The following PRKG2 variants were observed in gnomAD, a reference collection of about 807,000 sequenced individuals.
PRKG2 encodes the protein protein kinase cGMP-dependent 2.
In PRKG2, 33 loss-of-function variants were observed where a neutral mutation model predicts 97.2. The observed-to-expected ratio is 0.34, with a 90% confidence interval of 0.26 to 0.45. PRKG2 has a LOEUF of 0.45. Ranked by LOEUF, PRKG2 falls within the 20% of genes least tolerant of loss-of-function variation. The pLI is 1.00. For synonymous variants in PRKG2, 330 were observed against 321.8 expected, an observed-to-expected ratio of 1.03 and a Z score of -0.27; for missense variants, 638 against 900.0, an observed-to-expected ratio of 0.71 and a Z score of 3.73.
intron 2 of PRKG2, among the ~76,000 whole-genome samples, chr4:81,192,481 A>T (rs1431643178): frequency 6.6e-6 from 1 of 152,192 alleles, no homozygotes; most frequent in Non-Finnish European, 1.5e-5. Flanking sequence ...TTAGGTTGAA[A>T]TATCAGGTCT....
chr4:81,147,293 T>C (rs1004869956), intron 9 of PRKG2, among the ~76,000 whole-genome samples: 4 of 152,184 alleles, frequency 2.6e-5, no homozygotes, highest in Non-Finnish European at 5.9e-5. Flanking sequence ...CATCCATTTA[T>C]AATATTTTAC....
intron 6 of PRKG2, among the ~76,000 whole-genome samples, chr4:81,159,575 G>A (rs1388029266): frequency 3.9e-5 from 6 of 152,114 alleles, no homozygotes; most frequent in Non-Finnish European, 8.8e-5. Context: ...TCTAGAACTA[G>A]AAATACCATT....
chr4:81,107,659 C>T (rs896786521), intron 15 of PRKG2, among the ~76,000 whole-genome samples: 1 of 151,958 alleles, frequency 6.6e-6, no homozygotes, highest in Non-Finnish European at 1.5e-5. Context: ...ACTACAGGTG[C>T]ACGCCACCAT....
At chr4:81,101,613 G>A (rs1229702995) in intron 17 of PRKG2, among the ~76,000 whole-genome samples, 3 of 151,676 alleles carry the variant, frequency 2.0e-5, no homozygotes, top group Non-Finnish European at 4.4e-5. Flanking sequence ...TATACCTAAT[G>A]TTAAATGACG....
intron 2 of PRKG2, among the ~76,000 whole-genome samples, chr4:81,200,562 A>G (rs1158534546): frequency 6.6e-6 from 1 of 152,186 alleles, no homozygotes; most frequent in Non-Finnish European, 1.5e-5. Flanking sequence ...ATTTGTGGGT[A>G]GTTCTTACAA....
At chr4:81,112,811 AT>A (rs1744117314) in intron 14 of PRKG2, among the ~76,000 whole-genome samples, 1 of 152,212 alleles carries the variant, frequency 6.6e-6, no homozygotes, top group African/African-American at 2.4e-5. Context: ...TATATTTTCT[AT>A]AAAAATCACG....
chr4:81,182,744 A>G (rs892536354), intron 2 of PRKG2, among the ~76,000 whole-genome samples: 2 of 152,124 alleles, frequency 1.3e-5, no homozygotes, highest in Non-Finnish European at 2.9e-5. Flanking sequence ...TTGTATTTCT[A>G]TATTCTAGTA....
intron 2 of PRKG2, among the ~76,000 whole-genome samples, chr4:81,177,210 T>TA (rs966004949): frequency 3.9e-5 from 6 of 152,204 alleles, no homozygotes; most frequent in Non-Finnish European, 8.8e-5. Flanking sequence ...CTTATATTCA[T>TA]ATCTATTCTG....
intron 4 of PRKG2, 73 bp from the exon 5 acceptor site, chr4:81,169,841 G>A: frequency 1.0e-6 from 1 of 953,998 alleles, no homozygotes; most frequent in Non-Finnish European, 1.5e-6. Context: ...ATAAATCGAT[G>A]GATTTGTTAT....
chr4:81,183,133 A>C (rs930992106), intron 2 of PRKG2, among the ~76,000 whole-genome samples: 1 of 152,210 alleles, frequency 6.6e-6, no homozygotes, highest in Non-Finnish European at 1.5e-5. Flanking sequence ...ATGATGAATG[A>C]AAATAATTAA....
intron 2 of PRKG2, among the ~76,000 whole-genome samples, chr4:81,181,004 T>C (rs1751362089): frequency 8.8e-6 from 1 of 113,470 alleles, no homozygotes; most frequent in Admixed American, 1.3e-4. Flanking sequence ...CCCACAGCAG[T>C]CCCCGGAGTG....
chr4:81,141,656 G>T (rs1578410155), intron 11 of PRKG2, among the ~76,000 whole-genome samples: 1 of 151,990 alleles, frequency 6.6e-6, no homozygotes, highest in African/African-American at 2.4e-5. Flanking sequence ...TCCATATTTT[G>T]CTCATGTTTG....
chr4:81,154,489 G>A (rs1193687726), intron 6 of PRKG2, among the ~76,000 whole-genome samples: 3 of 140,116 alleles, frequency 2.1e-5, no homozygotes, highest in Non-Finnish European at 4.4e-5. Flanking sequence ...TAACTGGGAG[G>A]CACCCCCCAG....
At chr4:81,179,716 G>A (rs558703282) in intron 2 of PRKG2, among the ~76,000 whole-genome samples, 17 of 152,130 alleles carry the variant, frequency 1.1e-4, no homozygotes, top group South Asian at 2.1e-4. Context: ...ACAATAAATG[G>A]AGTTAACACA....
intron 4 of PRKG2, among the ~76,000 whole-genome samples, chr4:81,171,349 C>T (rs1184584375): frequency 6.6e-6 from 1 of 152,030 alleles, no homozygotes; most frequent in Non-Finnish European, 1.5e-5. Context: ...AATCTTGTTC[C>T]TTTTTATGGC....
chr4:81,178,326 A>T (rs945068040), intron 2 of PRKG2, among the ~76,000 whole-genome samples: 2 of 152,032 alleles, frequency 1.3e-5, no homozygotes, highest in African/African-American at 4.8e-5. Flanking sequence ...TTTTTTAAAT[A>T]GGAAATATTT....
chr4:81,190,411 C>T (rs1752382193), intron 2 of PRKG2, among the ~76,000 whole-genome samples: 1 of 152,048 alleles, frequency 6.6e-6, no homozygotes, highest in African/African-American at 2.4e-5. Flanking sequence ...GAAACTGGAC[C>T]CCTTCCTTAA....
intron 12 of PRKG2, among the ~76,000 whole-genome samples, chr4:81,138,423 T>C (rs1481490602): frequency 6.6e-6 from 1 of 152,212 alleles, no homozygotes; most frequent in Non-Finnish European, 1.5e-5. Flanking sequence ...GGGTGGGCTC[T>C]GAACCAAGCT....
intron 6 of PRKG2, among the ~76,000 whole-genome samples, chr4:81,155,668 G>A (rs1266584747): frequency 6.6e-5 from 10 of 151,632 alleles, no homozygotes; most frequent in African/African-American, 2.4e-4. Context: ...AATGTTAAGG[G>A]CAGCCAGAGA....
Sources: gnomAD v4.1 joint callset for allele counts (sites outside exome capture counted in the v4.1 genomes callset) on GRCh38, gnomAD v4.1.1 for gene constraint, MANE v1.5 for transcripts, NCBI Gene and HGNC (gene_info 2026-07-23, HGNC 2026-07-21) for gene names.